The following GRIN3A variants were observed in gnomAD, a reference collection of about 807,000 sequenced individuals.
GRIN3A encodes glutamate ionotropic receptor NMDA type subunit 3A.
A neutral mutation model predicts 92.4 loss-of-function variants in GRIN3A; 47 were observed. The ratio of observed to expected loss-of-function variants is 0.51; its 90% CI spans 0.40 to 0.65. The LOEUF is 0.65. Ranked by LOEUF, GRIN3A falls within the 30% of genes least tolerant of loss-of-function variation. The pLI is 0.00. For synonymous variants in GRIN3A, 527 were observed against 540.6 expected, an observed-to-expected ratio of 0.97 and a Z score of 0.35; for missense variants, 1,324 against 1,393.1, an observed-to-expected ratio of 0.95 and a Z score of 0.79.
At chr9:101,632,143 A>G (rs1828723775) in intron 3 of GRIN3A, among the ~76,000 whole-genome samples, 1 of 152,172 alleles carries the variant, frequency 6.6e-6, no homozygotes, top group Non-Finnish European at 1.5e-5. Context: ...GAGCTCTTGC[A>G]TATAGTCTTC....
At chr9:101,633,712 T>C (rs1017522115) in intron 3 of GRIN3A, among the ~76,000 whole-genome samples, 2 of 152,188 alleles carry the variant, frequency 1.3e-5, no homozygotes, top group Admixed American at 6.5e-5. Flanking sequence ...AAATGTAATA[T>C]ACTTGGATTA....
chr9:101,637,584 G>T (rs1255081442), intron 3 of GRIN3A, among the ~76,000 whole-genome samples: 1 of 152,068 alleles, frequency 6.6e-6, no homozygotes. Flanking sequence ...CATTTATTAA[G>T]TACTTCCCAT....
intron 1 of GRIN3A, among the ~76,000 whole-genome samples, chr9:101,690,685 A>G (rs1829603844): frequency 6.6e-6 from 1 of 152,188 alleles, no homozygotes; most frequent in African/African-American, 2.4e-5. Context: ...AGAAAATGAT[A>G]GGCCTTGCTT....
chr9:101,709,298 T>C (rs531937764), intron 1 of GRIN3A, among the ~76,000 whole-genome samples: 1 of 152,208 alleles, frequency 6.6e-6, no homozygotes, highest in Non-Finnish European at 1.5e-5. Flanking sequence ...CAGCTTCAGA[T>C]GATAATAAAT....
rs922845458 is a variant in GRIN3A at position 101,717,384 on chromosome 9, A to G, written c.699+19897T>C. On this transcript the variant is annotated intron_variant, in intron 1 of 8. Transcript: ENST00000361820. ...TTTTTAAATAGATTTCTGTGCTCCA[A>G]CCTCAGGAGTTCTGATTTGATAAAT... Among the ~76,000 whole-genome samples the G allele has an allele frequency of 4.6e-5, 7 of 152,294 alleles. No homozygotes were observed. In the South Asian group the frequency reaches 8.3e-4, roughly 18 times the overall value.
chr9:101,636,083 A>G (rs1828780852), intron 3 of GRIN3A, among the ~76,000 whole-genome samples: 1 of 152,126 alleles, frequency 6.6e-6, no homozygotes, highest in Admixed American at 6.5e-5. Flanking sequence ...AGGTTTCACC[A>G]TGTTGACCAG....
intron 2 of GRIN3A, among the ~76,000 whole-genome samples, chr9:101,671,625 A>G (rs1353510440): frequency 6.6e-6 from 1 of 152,210 alleles, no homozygotes; most frequent in Non-Finnish European, 1.5e-5. Context: ...CTGCATTCAT[A>G]ACATTAGAAA....
intron 3 of GRIN3A, among the ~76,000 whole-genome samples, chr9:101,661,601 A>G (rs890893576): frequency 2.0e-5 from 3 of 151,886 alleles, no homozygotes; most frequent in African/African-American, 7.2e-5. Flanking sequence ...ATTATAAGTT[A>G]GTAATTGTGC....
At chr9:101,675,437 G>A (rs1829382625) in intron 2 of GRIN3A, among the ~76,000 whole-genome samples, 1 of 151,782 alleles carries the variant, frequency 6.6e-6, no homozygotes, top group Non-Finnish European at 1.5e-5. Flanking sequence ...CCTAATTAAA[G>A]TATTTTCTTA....
At chr9:101,628,205 T>G in intron 4 of GRIN3A, 51 bp downstream of exon 4, 1 of 1,592,164 alleles carries the variant, frequency 6.3e-7, no homozygotes, top group Non-Finnish European at 8.6e-7. Context: ...GTAGCTAAAT[T>G]ACTTCTCTTC....
intron 2 of GRIN3A, among the ~76,000 whole-genome samples, chr9:101,672,587 C>T (rs1829342399): frequency 6.6e-6 from 1 of 152,050 alleles, no homozygotes; most frequent in Non-Finnish European, 1.5e-5. Flanking sequence ...AAATATTACT[C>T]TATAATTTAC....
chr9:101,698,980 A>T (rs1829719925), intron 1 of GRIN3A, among the ~76,000 whole-genome samples: 1 of 152,290 alleles, frequency 6.6e-6, no homozygotes, highest in African/African-American at 2.4e-5. Flanking sequence ...CACTAAATTT[A>T]TTAGAAAGTT....
At chr9:101,681,569 G>A (rs1829465874) in intron 2 of GRIN3A, among the ~76,000 whole-genome samples, 3 of 152,192 alleles carry the variant, frequency 2.0e-5, no homozygotes, top group Admixed American at 6.5e-5. Context: ...TCCTTTGTCT[G>A]TGAATTTGTT....
In GRIN3A at chr9:101,687,082, T is replaced by A. The variant is rs1419991171; in HGVS notation, c.818A>T (p.Asp273Val). 2.5e-6 allele frequency: 4 copies of A among 1,614,148 alleles called. No homozygotes were observed. Among genetic ancestry groups the A allele is most frequent in the African/African-American group, 1.3e-5 (1 of 75,054 alleles). ...GAGGAGGAAGTCGGTGATGTTCCAG[T>A]CTTCCTGGCACAGCAACAAGCTAAA... is the stretch of plus-strand genomic sequence containing the variant. ...YNFSLLLCQE[D>V]WNITDFLLLT... Residue 273 changes from aspartate (D) to valine (V), a missense_variant, in exon 2 of 9, where the codon GAC becomes GTC. Coordinates refer to ENST00000361820, the MANE Select transcript of GRIN3A (RefSeq NM_133445.3).
chr9:101,615,964 T>C (rs1414248115), intron 5 of GRIN3A, among the ~76,000 whole-genome samples: 1 of 152,256 alleles, frequency 6.6e-6, no homozygotes, highest in African/African-American at 2.4e-5. Context: ...TTCTCCCTTA[T>C]GGTGCCTATC....
At chr9:101,681,180 C>G (rs1276831845) in intron 2 of GRIN3A, among the ~76,000 whole-genome samples, 1 of 152,136 alleles carries the variant, frequency 6.6e-6, no homozygotes, top group East Asian at 1.9e-4. Context: ...TCACTTTCCC[C>G]AGAGTCCGAT....
At chr9:101,699,812 G>A (rs754693849) in intron 1 of GRIN3A, among the ~76,000 whole-genome samples, 3 of 152,090 alleles carry the variant, frequency 2.0e-5, no homozygotes, top group Non-Finnish European at 4.4e-5. Flanking sequence ...CTTAGTTTCT[G>A]ATGACCTTCA....
chr9:101,626,941 G>A (rs978706234), intron 4 of GRIN3A, among the ~76,000 whole-genome samples: 4 of 152,206 alleles, frequency 2.6e-5, no homozygotes, highest in African/African-American at 7.2e-5. Flanking sequence ...CTGGGCACGT[G>A]GGCCTTCTCA....
At chr9:101,657,628 G>A (rs1319697691) in intron 3 of GRIN3A, among the ~76,000 whole-genome samples, 1 of 151,916 alleles carries the variant, frequency 6.6e-6, no homozygotes, top group Non-Finnish European at 1.5e-5. Flanking sequence ...ATTTGGAGAT[G>A]TCTAACTGCA....
Sources: gnomAD v4.1 joint callset for allele counts (sites outside exome capture counted in the v4.1 genomes callset) on GRCh38, gnomAD v4.1.1 for gene constraint, MANE v1.5 for transcripts, NCBI Gene and HGNC (gene_info 2026-07-23, HGNC 2026-07-21) for gene names.